The following SLIT2 variants were observed in gnomAD, a reference collection of about 807,000 sequenced individuals.
The protein encoded by SLIT2 is slit guidance ligand 2.
In SLIT2, 41 loss-of-function variants were observed where a neutral mutation model predicts 185.7. That is an observed-to-expected ratio of 0.22 (90% confidence interval 0.17 to 0.29). SLIT2 has a LOEUF of 0.29. Among genes scored for constraint, SLIT2 ranks in the 10% least tolerant of loss-of-function variants. The pLI is 1.00. For missense variants in SLIT2, 1,571 were observed against 1,909.0 expected (o/e 0.82, Z 3.30); for synonymous variants, 693 against 680.2 (o/e 1.02, Z -0.29).
chr4:20,257,751 C>T, intron 2 of SLIT2, 117 bp from the exon 3 acceptor site: 3 of 685,818 alleles, frequency 4.4e-6, no homozygotes, highest in Non-Finnish European at 7.9e-6. Context: ...GATCTCAAAT[C>T]AGAGCACAAT....
chr4:20,358,285 A>G lies in SLIT2; in HGVS notation c.395+89404A>G, dbSNP rs553112257. The stretch of plus-strand genomic sequence containing the variant: ...AGAGTGATCGGACTGGTTTTATTAC[A>G]TAGCATATTGGGAGCAAAGCAAAAG... On this transcript the variant is annotated intron_variant, in intron 4 of 36. Coordinates refer to ENST00000504154, the MANE Select transcript of SLIT2 (RefSeq NM_004787.4). Among the ~76,000 whole-genome samples the G allele has an allele frequency of 2.0e-5, 3 of 152,156 alleles. No individual in the cohort carries two copies. The East Asian group carries it at 5.8e-4, about 29-fold the overall frequency.
intron 24 of SLIT2, among the ~76,000 whole-genome samples, chr4:20,549,681 T>G (rs962569119): frequency 2.0e-5 from 3 of 151,850 alleles, no homozygotes; most frequent in African/African-American, 7.2e-5. Context: ...GTTTTTGTTC[T>G]GCCATTGTCT....
At chr4:20,379,858 A>G (rs956898585) in intron 4 of SLIT2, among the ~76,000 whole-genome samples, 1 of 152,154 alleles carries the variant, frequency 6.6e-6, no homozygotes, top group Admixed American at 6.6e-5. Flanking sequence ...GAGCCCAAAC[A>G]GAGGTGTAGT....
intron 4 of SLIT2, among the ~76,000 whole-genome samples, chr4:20,346,892 C>T (rs1297727786): frequency 1.3e-5 from 2 of 152,176 alleles, no homozygotes; most frequent in African/African-American, 4.8e-5. Context: ...TCTTCTGCTG[C>T]TTTTATCCTA....
chr4:20,518,587 ATTTTTTTTTTTTTTTTTT>A (rs71181568), intron 11 of SLIT2, among the ~76,000 whole-genome samples: 1 of 17,862 alleles, frequency 5.6e-5, no homozygotes, highest in African/African-American at 2.4e-4. Context: ...ATATATATAT[ATTTTTTTTTTTTTTTTTT>A]TTTTTTTTTT....
intron 4 of SLIT2, among the ~76,000 whole-genome samples, chr4:20,275,854 A>T (rs1009182482): frequency 6.6e-6 from 1 of 152,178 alleles, no homozygotes; most frequent in Non-Finnish European, 1.5e-5. Flanking sequence ...TGTTTTAATG[A>T]TGTGTTTTTC....
At chr4:20,612,698 A>G (rs1188907797) in intron 34 of SLIT2, among the ~76,000 whole-genome samples, 1 of 152,160 alleles carries the variant, frequency 6.6e-6, no homozygotes, top group Non-Finnish European at 1.5e-5. Context: ...CGGGTGGATC[A>G]CGAGGTCAGG....
intron 3 of SLIT2, among the ~76,000 whole-genome samples, chr4:20,265,297 G>C (rs772038071): frequency 7.9e-5 from 12 of 151,962 alleles, no homozygotes; most frequent in Non-Finnish European, 1.5e-4. Flanking sequence ...TCTGGTGATT[G>C]CACAGGCGGC....
intron 29 of SLIT2, among the ~76,000 whole-genome samples, chr4:20,581,869 T>C (rs1465899060): frequency 1.3e-5 from 2 of 152,120 alleles, no homozygotes; most frequent in African/African-American, 2.4e-5. Flanking sequence ...GTCTCAGCCT[T>C]CCAAAGAGCT....
At chr4:20,546,434 G>T (rs930205697) in intron 22 of SLIT2, among the ~76,000 whole-genome samples, 4 of 152,108 alleles carry the variant, frequency 2.6e-5, no homozygotes, top group African/African-American at 9.6e-5. Context: ...AGGAAAGATA[G>T]AAAACGATGC....
chr4:20,594,685 C>T (rs1434173121), intron 30 of SLIT2, among the ~76,000 whole-genome samples: 1 of 152,116 alleles, frequency 6.6e-6, no homozygotes, highest in Non-Finnish European at 1.5e-5. Context: ...AACTAGAGAT[C>T]CCAGTGGTCA....
intron 4 of SLIT2, among the ~76,000 whole-genome samples, chr4:20,314,459 C>G (rs978738689): frequency 6.6e-6 from 1 of 152,142 alleles, no homozygotes; most frequent in African/African-American, 2.4e-5. Context: ...TTGCCAGGCT[C>G]TGTTCTAGGT....
Position 20,548,490 on chromosome 4 carries a change from A to T in SLIT2, c.2348A>T (p.Asp783Val). The T allele has an allele frequency of 6.4e-7, 1 of 1,564,426 alleles. No homozygotes were observed. Among genetic ancestry groups the T allele is most frequent in the Non-Finnish European group, 8.8e-7 (1 of 1,135,238 alleles). ...LSNYKHLTLI[D>V]LSNNRISTLS... ...CTCCATTTCTTTTTCTCTTTTAGAG[A>T]CTTAAGTAACAACAGAATAAGCACG... Residue 783 changes from aspartate (D) to valine (V), a missense_variant and splice_region_variant, in exon 23 of 37, where the codon GAC becomes GTC. Transcript: ENST00000504154.
chr4:20,335,866 A>G (rs1720454620), intron 4 of SLIT2, among the ~76,000 whole-genome samples: 1 of 151,938 alleles, frequency 6.6e-6, no homozygotes. Context: ...AATAACTACC[A>G]TTTATGGGGG....
intron 2 of SLIT2, 54 bp from the exon 3 acceptor site, chr4:20,257,814 T>G: frequency 1.1e-6 from 1 of 886,768 alleles, no homozygotes; most frequent in Non-Finnish European, 1.9e-6. Context: ...GAATTGAAAT[T>G]TATTCAGATG....
At chr4:20,404,187 T>G (rs1439468289) in intron 4 of SLIT2, among the ~76,000 whole-genome samples, 1 of 152,010 alleles carries the variant, frequency 6.6e-6, no homozygotes, top group Non-Finnish European at 1.5e-5. Flanking sequence ...TTTACATTTT[T>G]TAAGAAGCTA....
intron 4 of SLIT2, among the ~76,000 whole-genome samples, chr4:20,293,141 T>C (rs1716131773): frequency 6.6e-6 from 1 of 152,330 alleles, no homozygotes; most frequent in East Asian, 1.9e-4. Context: ...AAAAAGTTCA[T>C]AAGTTTGCAG....
At chr4:20,260,179 G>A (rs1712295888) in intron 3 of SLIT2, among the ~76,000 whole-genome samples, 1 of 151,738 alleles carries the variant, frequency 6.6e-6, no homozygotes, top group Non-Finnish European at 1.5e-5. Context: ...TAATCAAACT[G>A]CTATGGCCTG....
chr4:20,254,770 G>C lies in SLIT2; in HGVS notation c.179+776G>C. ...GTCTTACCACTGCGGCGACCCGGCGGTGCCCGGCTGCCCCCTCCGGCCCTT... is the reference window on the plus strand; with the variant it reads ...GTCTTACCACTGCGGCGACCCGGCGCTGCCCGGCTGCCCCCTCCGGCCCTT... On this transcript the variant is annotated intron_variant, in intron 1 of 36. Transcript: ENST00000504154. The surrounding 1 kb of genome is among the most constrained non-coding windows in gnomAD (Gnocchi z 5.1). 2.6e-6 allele frequency: 1 copy of C among 387,886 alleles called. No homozygotes were observed. The highest frequency in any genetic ancestry group is 1.9e-5 in the South Asian group (1 of 52,516). 24.0% of individuals were successfully genotyped at this position (387,886 alleles called of 1,614,324 possible).
Sources: allele counts gnomAD v4.1 joint callset (sites outside exome capture counted in the v4.1 genomes callset), GRCh38; gene constraint gnomAD v4.1.1; non-coding constraint Gnocchi (gnomAD v3.1); transcripts MANE v1.5; gene names NCBI Gene and HGNC (gene_info 2026-07-23, HGNC 2026-07-21).